The following BCAS3 variants were observed in gnomAD, a reference collection of about 807,000 sequenced individuals.
BCAS3 encodes the protein BCAS4/BCAS3 fusion.
BCAS3 carries 53 observed loss-of-function variants against 116.1 expected under a neutral mutation model. That is an observed-to-expected ratio of 0.46 (90% CI 0.37 to 0.57). The LOEUF (loss-of-function observed/expected upper bound fraction) is 0.57, where lower values mean the gene tolerates loss of function less well. BCAS3 is among the 20% of genes least tolerant of loss of function. The pLI is 0.00. For missense variants in BCAS3, 917 were observed against 1,165.4 expected, an observed-to-expected ratio of 0.79 and a Z score of 3.10; for synonymous variants, 391 against 408.2, an observed-to-expected ratio of 0.96 and a Z score of 0.51.
chr17:61,176,533 T>G (rs2079161046), intron 22 of BCAS3, among the ~76,000 whole-genome samples: 1 of 145,482 alleles, frequency 6.9e-6, no homozygotes, highest in African/African-American at 2.5e-5. Flanking sequence ...GTCTATTTAT[T>G]TATTTATTTA....
At chr17:60,802,295 A>AAT (rs773556470) in intron 6 of BCAS3, among the ~76,000 whole-genome samples, 4,051 of 127,796 alleles carry the variant, frequency 0.032, 95 homozygotes, top group South Asian at 0.059. Flanking sequence ...AAAAAAAAAA[A>AAT]ATATATATAT....
intron 14 of BCAS3, among the ~76,000 whole-genome samples, chr17:60,971,535 G>A (rs1416700472): frequency 6.6e-6 from 1 of 152,102 alleles, no homozygotes; most frequent in African/African-American, 2.4e-5. Flanking sequence ...ATTTCAATCA[G>A]CCTTCCAGAG....
chr17:60,868,261 G>A (rs966005384), intron 7 of BCAS3, among the ~76,000 whole-genome samples: 5 of 151,838 alleles, frequency 3.3e-5, no homozygotes, highest in African/African-American at 9.7e-5. Flanking sequence ...TCCTGACCTC[G>A]TGATCCACCT....
At position 61,208,576 on chromosome 17, in the gene BCAS3, C is replaced by T. The variant is rs960847246; in HGVS notation, c.2425+124012C>T. The stretch of plus-strand genomic sequence containing the variant: ...AAAAGAGAGAGGGAGAAACAAAGCA[C>T]GTGGTCATCCCAAATGCTAATATCA... On this transcript the variant is annotated intron_variant, in intron 22 of 23. Coordinates refer to ENST00000407086, the MANE Select transcript of BCAS3 (RefSeq NM_017679.5). The surrounding 1 kb of genome is among the most constrained non-coding windows in gnomAD (Gnocchi z 4.5). 6.6e-6 allele frequency among the ~76,000 whole-genome samples: 1 copy of T among 152,108 alleles called. No homozygotes were observed. Among genetic ancestry groups the T allele is most frequent in the Non-Finnish European group, 1.5e-5 (1 of 68,028 alleles).
intron 19 of BCAS3, among the ~76,000 whole-genome samples, chr17:61,052,811 C>T (rs564564476): frequency 7.9e-5 from 12 of 151,010 alleles, no homozygotes; most frequent in East Asian, 1.9e-4. Flanking sequence ...CTCTGCCTCC[C>T]GGATCAAGTG....
At chr17:61,310,887 A>AC (rs2054256340) in intron 22 of BCAS3, among the ~76,000 whole-genome samples, 1 of 152,184 alleles carries the variant, frequency 6.6e-6, no homozygotes, top group Admixed American at 6.5e-5. Flanking sequence ...ATCTTCTATG[A>AC]CATGAGTGGC....
chr17:60,836,223 A>G (rs12453904), intron 7 of BCAS3, among the ~76,000 whole-genome samples: 335 of 152,252 alleles, frequency 2.2e-3, no homozygotes, highest in Admixed American at 3.8e-3. Flanking sequence ...GTTCACATTA[A>G]GGCTCACTCT....
At chr17:61,147,771 G>A (rs2077312834) in intron 22 of BCAS3, among the ~76,000 whole-genome samples, 1 of 152,092 alleles carries the variant, frequency 6.6e-6, no homozygotes, top group South Asian at 2.1e-4. Context: ...CGGGTCACCT[G>A]AGGTTGGGAG....
chr17:60,999,445 G>C (rs1177931727), intron 15 of BCAS3, among the ~76,000 whole-genome samples: 3 of 151,662 alleles, frequency 2.0e-5, no homozygotes, highest in African/African-American at 7.3e-5. Context: ...GGAGGCTGAG[G>C]CAGGAGAATC....
At chr17:60,858,338 C>G (rs1324741689) in intron 7 of BCAS3, among the ~76,000 whole-genome samples, 1 of 152,058 alleles carries the variant, frequency 6.6e-6, no homozygotes, top group Non-Finnish European at 1.5e-5. Context: ...TCCTTTCCCT[C>G]TCTCTTGCAA....
In BCAS3 at chr17:61,126,359, A is replaced by G. The variant is rs1428784944; in HGVS notation, c.2425+41795A>G. Among the ~76,000 whole-genome samples, 1 of 152,188 alleles carries G rather than the reference A, an allele frequency of 6.6e-6. No homozygotes were observed. Among genetic ancestry groups the G allele is most frequent in the Non-Finnish European group, 1.5e-5 (1 of 68,018 alleles). On this transcript the variant is annotated intron_variant, in intron 22 of 23. Coordinates refer to ENST00000407086, the MANE Select transcript of BCAS3 (RefSeq NM_017679.5). This position sits in a 1 kb window ranked among gnomAD's most constrained non-coding sequence, Gnocchi z 4.6. The stretch of plus-strand genomic sequence containing the variant: ...AGTGATACTTATTTTCAGAGACATT[A>G]GAAAAAAAGAGCAGTGTATATGTGT...
intron 19 of BCAS3, among the ~76,000 whole-genome samples, chr17:61,074,638 G>A (rs374749076): frequency 1.5e-4 from 23 of 152,120 alleles, no homozygotes; most frequent in Non-Finnish European, 2.2e-4. Flanking sequence ...TAGATTTGTC[G>A]CTGCTCTTCA....
chr17:61,086,764 T>G (rs2073124296), intron 22 of BCAS3: 1 of 985,400 alleles, frequency 1.0e-6, no homozygotes, highest in South Asian at 4.7e-5. Context: ...GAAACATGTG[T>G]GCTGCCTTCT....
chr17:61,005,638 G>T (rs1256805870), intron 15 of BCAS3, among the ~76,000 whole-genome samples: 3 of 152,064 alleles, frequency 2.0e-5, no homozygotes, highest in East Asian at 3.9e-4. Flanking sequence ...GTAAAAAGAA[G>T]GAAGGCGTCC....
At position 60,931,595 on chromosome 17, in the gene BCAS3, G is replaced by C. The variant is rs549867928; in HGVS notation, c.1087+7095G>C. On this transcript the variant is annotated intron_variant, in intron 13 of 23. Coordinates refer to ENST00000407086, the MANE Select transcript of BCAS3 (RefSeq NM_017679.5). ...CCCGGCCGGAATCTTCTTTTGCCTG[G>C]CTAACTCTTACACTGATTCCTATCT... is the stretch of plus-strand genomic sequence containing the variant. Among the ~76,000 whole-genome samples the C allele has an allele frequency of 8.6e-5, 13 of 152,034 alleles. No individual in the cohort carries two copies. In the East Asian group the frequency reaches 2.5e-3, roughly 29 times the overall value.
At chr17:60,985,640 A>G (rs967802711) in intron 14 of BCAS3, among the ~76,000 whole-genome samples, 10 of 152,046 alleles carry the variant, frequency 6.6e-5, no homozygotes, top group Middle Eastern at 3.4e-3. Context: ...TTTCGTACCC[A>G]TTAGCCATCC....
At chr17:61,370,271 CTT>C (rs67112430) in intron 23 of BCAS3, among the ~76,000 whole-genome samples, 11 of 146,696 alleles carry the variant, frequency 7.5e-5, no homozygotes, top group African/African-American at 1.7e-4. Flanking sequence ...AGGAGACTCC[CTT>C]TTTTTTTTTT....
chr17:61,291,826 A>G (rs1289016989), intron 22 of BCAS3, among the ~76,000 whole-genome samples: 1 of 152,168 alleles, frequency 6.6e-6, no homozygotes, highest in East Asian at 1.9e-4. Flanking sequence ...GTGTGTGCCC[A>G]CTTGCAAGCC....
chr17:60,713,215 A>G (rs2038143354), intron 5 of BCAS3, among the ~76,000 whole-genome samples: 1 of 152,208 alleles, frequency 6.6e-6, no homozygotes, highest in Non-Finnish European at 1.5e-5. Context: ...AATGCTCAGC[A>G]TGCCAAAATG....
Sources: allele counts gnomAD v4.1 joint callset (sites outside exome capture counted in the v4.1 genomes callset), GRCh38; gene constraint gnomAD v4.1.1; non-coding constraint Gnocchi (gnomAD v3.1); transcripts MANE v1.5; gene names NCBI Gene and HGNC (gene_info 2026-07-23, HGNC 2026-07-21).